DIP2C: variants seen among roughly 807,000 people sequenced by gnomAD.
The protein encoded by DIP2C is disco-interacting protein 2 homolog C.
In DIP2C, 33 loss-of-function variants were observed where a neutral mutation model predicts 192.4. The observed-to-expected ratio is 0.17, with a 90% CI of 0.13 to 0.23. The LOEUF is 0.23. DIP2C is among the 10% of genes least tolerant of loss of function. The pLI, the probability that DIP2C is intolerant of heterozygous loss-of-function variation, is 1.00. For missense variants in DIP2C, 1,537 were observed against 2,110.1 expected (o/e 0.73, Z 5.32); for synonymous variants, 979 against 864.1 (o/e 1.13, Z -2.33).
chr10:454,687 A>G (rs36106300), intron 3 of DIP2C, among the ~76,000 whole-genome samples: 21,117 of 145,396 alleles, frequency 0.15, 4,968 homozygotes, highest in African/African-American at 0.48. Context: ...CATTATTGCA[A>G]TGAGATACTC....
intron 1 of DIP2C, among the ~76,000 whole-genome samples, chr10:685,187 C>A (rs368255906): frequency 0.05 from 1,106 of 21,962 alleles, 5 homozygotes; most frequent in East Asian, 0.09. Flanking sequence ...TATATATATA[C>A]ATATATATAT....
chr10:531,161 T>C (rs1263713565), intron 1 of DIP2C, among the ~76,000 whole-genome samples: 2 of 152,144 alleles, frequency 1.3e-5, no homozygotes, highest in African/African-American at 4.8e-5. Context: ...CGCCCCAAGG[T>C]GAACACAGAT....
At chr10:500,634 A>G (rs1845156798) in intron 1 of DIP2C, among the ~76,000 whole-genome samples, 1 of 152,246 alleles carries the variant, frequency 6.6e-6, no homozygotes, top group South Asian at 2.1e-4. Context: ...CAGACACAAT[A>G]TCACCAAATG....
chr10:625,159 G>A (rs887188555), intron 1 of DIP2C, among the ~76,000 whole-genome samples: 14 of 152,104 alleles, frequency 9.2e-5, no homozygotes, highest in South Asian at 4.1e-4. Context: ...CACTGTTTAC[G>A]CTGACAATTA....
intron 22 of DIP2C, among the ~76,000 whole-genome samples, chr10:358,881 A>G (rs770240185): frequency 6.6e-6 from 1 of 150,826 alleles, no homozygotes; most frequent in Non-Finnish European, 1.5e-5. Context: ...GAGTAAAAGA[A>G]TGTTTACCAA....
chr10:423,134 T>G, intron 4 of DIP2C, 101 bp from the exon 5 acceptor site: 4 of 1,151,202 alleles, frequency 3.5e-6, no homozygotes, highest in Non-Finnish European at 4.9e-6. Flanking sequence ...TAAGTCTCAA[T>G]AGTTGTTCAA....
rs138454316 is a variant in DIP2C, at chr10:297,473, A to G, written c.3987-9052T>C. On this transcript the variant is annotated intron_variant, in intron 32 of 36. Transcript: ENST00000280886. ...GGATATGGAAGGTGTGGTATATAAC[A>G]TTGAATAGGATTCAGCCATAACAGA... Among the ~76,000 whole-genome samples, 14 of 152,278 alleles carry G rather than the reference A, an allele frequency of 9.2e-5. No individual in the cohort carries two copies. In the East Asian group the frequency reaches 2.5e-3, roughly 27 times the overall value.
chr10:511,029 C>T (rs1311160914), intron 1 of DIP2C, among the ~76,000 whole-genome samples: 2 of 152,210 alleles, frequency 1.3e-5, no homozygotes, highest in East Asian at 1.9e-4. Flanking sequence ...GTTGAAACAT[C>T]GACGTGCTTT....
At chr10:416,329 C>T (rs535404925) in intron 6 of DIP2C, among the ~76,000 whole-genome samples, 2 of 151,992 alleles carry the variant, frequency 1.3e-5, no homozygotes, top group Non-Finnish European at 2.9e-5. Flanking sequence ...CAGCCTCACA[C>T]CAGCATTCAG....
intron 1 of DIP2C, among the ~76,000 whole-genome samples, chr10:554,558 G>A (rs1848744662): frequency 6.6e-6 from 1 of 152,204 alleles, no homozygotes; most frequent in Non-Finnish European, 1.5e-5. Flanking sequence ...GCGAGGAAGT[G>A]GGACCATGTG....
rs367739568 is a variant in DIP2C, at chr10:433,680, CA to C, written c.394+7190del. On this transcript the variant is annotated intron_variant, in intron 4 of 36. Transcript: ENST00000280886. ...TGGGCCAAGGAGTAAGACTCCATCT[CA>C]AAAAAAATAAAATAAATAAATTAGT... 2.6e-5 allele frequency among the ~76,000 whole-genome samples: 4 copies of C among 151,654 alleles called. No homozygotes were observed. The East Asian group carries it at 5.8e-4, about 22-fold the overall frequency.
intron 11 of DIP2C, 104 bp from the exon 12 acceptor site, chr10:390,477 G>A (rs916759894): frequency 8.4e-6 from 10 of 1,196,728 alleles, no homozygotes; most frequent in East Asian, 7.1e-5. Context: ...CAACTAGATC[G>A]AATCTCTGGT....
At chr10:502,499 A>G (rs1420735802) in intron 1 of DIP2C, among the ~76,000 whole-genome samples, 2 of 152,166 alleles carry the variant, frequency 1.3e-5, no homozygotes, top group African/African-American at 4.8e-5. Flanking sequence ...GTTAAACTCA[A>G]AGCCAGAAAA....
At chr10:366,510 G>C (rs893437021) in intron 18 of DIP2C, 99 bp from the exon 19 acceptor site, 3 of 1,531,880 alleles carry the variant, frequency 2.0e-6, no homozygotes, top group South Asian at 1.2e-5. Context: ...CCAGTGAACA[G>C]GAATGGGGTC....
At position 284,057 on chromosome 10, in the gene DIP2C, A is replaced by C. The variant is rs1213940438; in HGVS notation, c.4120-611T>G. Among the ~76,000 whole-genome samples the C allele has an allele frequency of 4.6e-5, 7 of 152,330 alleles. No homozygotes were observed. The South Asian group carries it at 8.3e-4, about 18-fold the overall frequency. ...AGAACCATGGACAGGGCTGGGTAAAAGCAAAACCAGTGAAGTTCCACAGAT... is the reference window on the plus strand; with the variant it reads ...AGAACCATGGACAGGGCTGGGTAAACGCAAAACCAGTGAAGTTCCACAGAT... On this transcript the variant is annotated intron_variant, in intron 34 of 36. Transcript: ENST00000280886.
chr10:436,527 G>T (rs1967217895), intron 4 of DIP2C, among the ~76,000 whole-genome samples: 1 of 142,214 alleles, frequency 7.0e-6, no homozygotes, highest in Non-Finnish European at 1.5e-5. Context: ...TAGTAGGGTG[G>T]CCATGCTCCA....
chr10:650,432 C>T lies in DIP2C; in HGVS notation c.85+39062G>A, dbSNP rs770784153. 7 of 711,832 alleles carry T rather than the reference C, an allele frequency of 9.8e-6. No homozygotes were observed. In the African/African-American group the frequency reaches 1.2e-4, roughly 12 times the overall value. 44.1% of individuals were successfully genotyped at this position (711,832 alleles called of 1,614,324 possible). A position where few individuals can be genotyped will look rare whatever the true frequency, so the allele number is the denominator to read the frequency against. Reference sequence around the variant, plus strand: ...CGAGAAGAACGCAGGCCGACAACATCTTCATCTATGGTAGGTGACCCGGTT... The same window carrying T: ...CGAGAAGAACGCAGGCCGACAACATTTTCATCTATGGTAGGTGACCCGGTT... On this transcript the variant is annotated intron_variant, in intron 1 of 36. Coordinates refer to ENST00000280886, the MANE Select transcript of DIP2C (RefSeq NM_014974.3).
At chr10:486,604 G>A (rs1321603582) in intron 1 of DIP2C, 74 bp from the exon 2 acceptor site, 1 of 1,286,122 alleles carries the variant, frequency 7.8e-7, no homozygotes. Flanking sequence ...TGCCCAAGAA[G>A]ACACAGTTAT....
intron 5 of DIP2C, 136 bp downstream of exon 5, chr10:422,688 C>T: frequency 9.2e-7 from 1 of 1,083,132 alleles, no homozygotes. Flanking sequence ...ACAATCCAGC[C>T]AAAGCACCCC....
Sources: allele counts gnomAD v4.1 joint callset (sites outside exome capture counted in the v4.1 genomes callset), GRCh38; gene constraint gnomAD v4.1.1; transcripts MANE v1.5; gene names NCBI Gene and HGNC (gene_info 2026-07-23, HGNC 2026-07-21).